Variants in VPS50 observed in about 807,000 individuals in gnomAD.
The protein encoded by VPS50 is syndetin.
Under a neutral mutation model 139.7 loss-of-function variants are expected in VPS50, and 70 were observed. The ratio of observed to expected loss-of-function variants is 0.50; its 90% CI spans 0.41 to 0.61. VPS50 has a LOEUF of 0.61. Among genes scored for constraint, VPS50 ranks in the 20% least tolerant of loss-of-function variants. The probability of loss-of-function intolerance (pLI) is 0.00; values close to 1 mark genes in which losing one functional copy is unlikely to be tolerated. For synonymous variants in VPS50, 365 were observed against 376.7 expected (o/e 0.97, Z 0.36); for missense variants, 921 against 1,133.7 (o/e 0.81, Z 2.69).
intron 4 of VPS50, 80 bp downstream of exon 4, chr7:93,254,011 A>G: frequency 1.5e-6 from 1 of 682,256 alleles, no homozygotes; most frequent in Non-Finnish European, 2.5e-6. Flanking sequence ...TTGCAGATTT[A>G]TGGTTTTAAC....
chr7:93,239,903 G>C lies in VPS50; in HGVS notation c.71G>C (p.Gly24Ala). ...CCTCAAGAAAGCCTCAGTGATCTTG[G>C]TGCCATAGAGAGTCTCCGGGTCCCT... ...KSPQESLSDL[G>A]AIESLRVPGK... Residue 24 changes from glycine to alanine, a missense_variant, in exon 2 of 28, where the codon GGT (glycine) becomes GCT (alanine). By Grantham distance (60) the Gly-to-Ala change is moderately conservative. Coordinates refer to ENST00000305866, the MANE Select transcript of VPS50 (RefSeq NM_017667.4). The C allele has an allele frequency of 6.2e-7, 1 of 1,606,936 alleles. No homozygotes were observed. Among genetic ancestry groups the C allele is most frequent in the Non-Finnish European group, 8.5e-7 (1 of 1,174,146 alleles).
chr7:93,253,937 TA>T lies in VPS50; in HGVS notation c.297+16del, dbSNP rs753583178. Reference sequence around the variant, plus strand: ...TGAAACAACAGCAAGCTGCAGTAAGTAAAAAAAAAACACATTTCTTTCTGGC... The same window carrying T: ...TGAAACAACAGCAAGCTGCAGTAAGTAAAAAAAAACACATTTCTTTCTGGC... On this transcript the variant is annotated splice_region_variant and intron_variant, in intron 4 of 27. Coordinates refer to ENST00000305866, the MANE Select transcript of VPS50 (RefSeq NM_017667.4). The T allele has an allele frequency of 2.1e-3, 2,988 of 1,403,474 alleles. No homozygotes were observed. The highest frequency in any genetic ancestry group is 2.7e-3 in the South Asian group (203 of 74,086). 86.9% of individuals were successfully genotyped at this position (1,403,474 alleles called of 1,614,324 possible). A position where few individuals can be genotyped will look rare whatever the true frequency, so the allele number is the denominator to read the frequency against.
At chr7:93,299,159 G>T (rs1033454247) in intron 16 of VPS50, among the ~76,000 whole-genome samples, 1 of 152,076 alleles carries the variant, frequency 6.6e-6, no homozygotes, top group Non-Finnish European at 1.5e-5. Flanking sequence ...AGTCATTTTC[G>T]CTCTGACAGT....
At chr7:93,355,484 A>C (rs1310388682) in intron 26 of VPS50, among the ~76,000 whole-genome samples, 5 of 152,158 alleles carry the variant, frequency 3.3e-5, no homozygotes. Flanking sequence ...TTTGCATTGC[A>C]TTGAATATTG....
intron 23 of VPS50, among the ~76,000 whole-genome samples, chr7:93,344,144 G>A (rs1174139326): frequency 1.3e-5 from 2 of 152,068 alleles, no homozygotes; most frequent in Non-Finnish European, 2.9e-5. Context: ...GATCTACCAA[G>A]CAAATCGAAA....
At chr7:93,293,433 A>C (rs1371446082) in intron 13 of VPS50, among the ~76,000 whole-genome samples, 2 of 152,298 alleles carry the variant, frequency 1.3e-5, no homozygotes, top group South Asian at 2.1e-4. Flanking sequence ...TGAAAACTCT[A>C]TCTGATCCTT....
intron 21 of VPS50, among the ~76,000 whole-genome samples, chr7:93,326,291 C>T (rs1279277995): frequency 3.2e-5 from 3 of 93,312 alleles, no homozygotes; most frequent in Non-Finnish European, 5.8e-5. Context: ...ACTCTGGGGA[C>T]TGTTGTGGGG....
At chr7:93,330,567 AAT>A (rs999720826) in intron 21 of VPS50, among the ~76,000 whole-genome samples, 1 of 152,052 alleles carries the variant, frequency 6.6e-6, no homozygotes, top group African/African-American at 2.4e-5. Flanking sequence ...CGGACTGGAA[AAT>A]ATGGTGAAAC....
chr7:93,241,809 T>G (rs1794999207), intron 2 of VPS50, among the ~76,000 whole-genome samples: 1 of 152,072 alleles, frequency 6.6e-6, no homozygotes, highest in South Asian at 2.1e-4. Flanking sequence ...TTTTCACAAT[T>G]TAGATAAGAC....
At position 93,311,353 on chromosome 7, in the gene VPS50, G is replaced by C. The variant is rs971540502; in HGVS notation, c.1855+81G>C. The C allele has an allele frequency of 6.9e-5, 52 of 754,364 alleles. No individual in the cohort carries two copies. The African/African-American group carries it at 7.5e-4, about 11-fold the overall frequency. 46.7% of individuals were successfully genotyped at this position (754,364 alleles called of 1,614,324 possible). On this transcript the variant is annotated intron_variant, in intron 20 of 27. Coordinates refer to ENST00000305866, the MANE Select transcript of VPS50 (RefSeq NM_017667.4). ...ATGACTTTTACTTGTGGTTTTTATTGTCTTGTATACTCCAGTGCTCTATGC... is the reference window on the plus strand; with the variant it reads ...ATGACTTTTACTTGTGGTTTTTATTCTCTTGTATACTCCAGTGCTCTATGC...
intron 2 of VPS50, 96 bp from the exon 3 acceptor site, chr7:93,252,557 G>A (rs1414161094): frequency 2.4e-6 from 2 of 829,434 alleles, no homozygotes; most frequent in African/African-American, 1.8e-5. Flanking sequence ...ATCGTTCCAG[G>A]TAGATGTGAC....
intron 2 of VPS50, among the ~76,000 whole-genome samples, chr7:93,241,054 AT>A (rs1391429320): frequency 1.3e-5 from 2 of 152,176 alleles, no homozygotes; most frequent in African/African-American, 4.8e-5. Flanking sequence ...ATTGACAATA[AT>A]TCTCTTTATT....
chr7:93,275,979 G>C (rs1446941413), intron 11 of VPS50, 186 bp from the exon 12 acceptor site: 2 of 550,712 alleles, frequency 3.6e-6, no homozygotes, highest in Non-Finnish European at 3.2e-6. Context: ...TGATAATCTG[G>C]TTATGTGAAG....
At chr7:93,249,925 G>A (rs1315358807) in intron 2 of VPS50, among the ~76,000 whole-genome samples, 3 of 152,056 alleles carry the variant, frequency 2.0e-5, no homozygotes, top group South Asian at 2.1e-4. Context: ...AAGTCTGTGC[G>A]GCAGCACCAC....
intron 22 of VPS50, among the ~76,000 whole-genome samples, chr7:93,335,446 A>G (rs1239924460): frequency 6.6e-6 from 1 of 152,194 alleles, no homozygotes; most frequent in Non-Finnish European, 1.5e-5. Context: ...GAGTAGGTGA[A>G]TATACCCCAG....
At chr7:93,330,782 A>AAAC (rs1554376640) in intron 21 of VPS50, among the ~76,000 whole-genome samples, 5 of 150,000 alleles carry the variant, frequency 3.3e-5, no homozygotes, top group African/African-American at 1.2e-4. Flanking sequence ...AAAAAAAAAA[A>AAAC]CCCAAACAAT....
At chr7:93,264,200 A>G (rs1185882693) in intron 9 of VPS50, among the ~76,000 whole-genome samples, 1 of 152,200 alleles carries the variant, frequency 6.6e-6, no homozygotes, top group Non-Finnish European at 1.5e-5. Flanking sequence ...AAGATGTGCC[A>G]TGTTTCAGCA....
Position 93,303,453 on chromosome 7 carries a change from T to C in VPS50, c.1362-7T>C. 6.6e-7 allele frequency: 1 copy of C among 1,505,188 alleles called. No homozygotes were observed. The highest frequency in any genetic ancestry group is 9.1e-7 in the Non-Finnish European group (1 of 1,094,168). The allele number at this position is 1,505,188 out of a possible 1,614,324, so 93.2% of individuals were successfully genotyped here. On this transcript the variant is annotated splice_polypyrimidine_tract_variant and splice_region_variant and intron_variant, in intron 16 of 27. Coordinates refer to ENST00000305866, the MANE Select transcript of VPS50 (RefSeq NM_017667.4). ...ACTTTTTGGAGTGTTCATTTTCTTT[T>C]TTTAAGAACACGGCTCGATGAACTG...
In VPS50 at chr7:93,271,279, C is replaced by T. The variant is rs1474995316; in HGVS notation, c.702+17C>T. The T allele has an allele frequency of 6.5e-7, 1 of 1,532,644 alleles. No homozygotes were observed. The highest frequency in any genetic ancestry group is 8.7e-7 in the Non-Finnish European group (1 of 1,149,032). 94.9% of individuals were successfully genotyped at this position (1,532,644 alleles called of 1,614,324 possible). Reference sequence around the variant, plus strand: ...CAGATTGAGGTAAGAAGTATTATATCCTAACCTTAATGAGTTTTTCTTTTC... The same window carrying T: ...CAGATTGAGGTAAGAAGTATTATATTCTAACCTTAATGAGTTTTTCTTTTC... On this transcript the variant is annotated intron_variant, in intron 10 of 27. Coordinates refer to ENST00000305866, the MANE Select transcript of VPS50 (RefSeq NM_017667.4).
Sources: gnomAD v4.1 joint callset for allele counts (sites outside exome capture counted in the v4.1 genomes callset) on GRCh38, gnomAD v4.1.1 for gene constraint, MANE v1.5 for transcripts, NCBI Gene and HGNC (gene_info 2026-07-23, HGNC 2026-07-21) for gene names.